FSTL4: variants seen among roughly 807,000 people sequenced by gnomAD.
FSTL4 encodes follistatin-related protein 4.
A neutral mutation model predicts 78.2 loss-of-function variants in FSTL4; 28 were observed. That is an observed-to-expected ratio of 0.36 (90% CI 0.27 to 0.49). The LOEUF is 0.49. FSTL4 is among the 20% of genes least tolerant of loss of function. FSTL4 has a pLI of 0.98. For missense variants in FSTL4, 922 were observed against 1,084.9 expected (o/e 0.85, Z 2.11); for synonymous variants, 422 against 440.5 (o/e 0.96, Z 0.53).
chr5:133,696,248 G>A, the FSTL4 span, among the ~76,000 whole-genome samples: 1 of 152,192 alleles, frequency 6.6e-6, no homozygotes, highest in African/African-American at 2.4e-5. Flanking sequence ...CTGGTTTTCA[G>A]GGCATGCAGG....
At chr5:133,688,997 C>T in the FSTL4 span, among the ~76,000 whole-genome samples, 13 of 152,338 alleles carry the variant, frequency 8.5e-5, no homozygotes, top group East Asian at 2.5e-3. Context: ...GGAGTCCTTG[C>T]TGCAGGCAGA....
the FSTL4 span, among the ~76,000 whole-genome samples, chr5:133,784,353 A>G: frequency 3.5e-3 from 540 of 152,306 alleles, 5 homozygotes; most frequent in African/African-American, 0.013. Context: ...AGGAAAAACA[A>G]GTGCTTGCCC....
At chr5:133,599,344 G>T (rs745519478) in intron 2 of FSTL4, among the ~76,000 whole-genome samples, 3 of 152,082 alleles carry the variant, frequency 2.0e-5, no homozygotes, top group Non-Finnish European at 4.4e-5. Context: ...GGTCAGTCAG[G>T]GTAGGATCAA....
At chr5:133,289,108 G>C (rs1477384235) in intron 6 of FSTL4, among the ~76,000 whole-genome samples, 1 of 152,186 alleles carries the variant, frequency 6.6e-6, no homozygotes, top group Non-Finnish European at 1.5e-5. Context: ...CTGCCCTTGG[G>C]AACTGGGATA....
chr5:133,700,416 A>G, the FSTL4 span, among the ~76,000 whole-genome samples: 2 of 148,930 alleles, frequency 1.3e-5, no homozygotes, highest in Admixed American at 6.7e-5. Context: ...CCAAAGCACC[A>G]CACCAAACCA....
chr5:133,477,381 G>A (rs1474099457), intron 3 of FSTL4, among the ~76,000 whole-genome samples: 1 of 152,114 alleles, frequency 6.6e-6, no homozygotes, highest in African/African-American at 2.4e-5. Flanking sequence ...TTCTTTTTAG[G>A]TCTTTTCAAT....
chr5:133,396,841 G>A (rs1756062511), intron 4 of FSTL4, among the ~76,000 whole-genome samples: 1 of 152,160 alleles, frequency 6.6e-6, no homozygotes, highest in Admixed American at 6.5e-5. Flanking sequence ...AGATTTCTTA[G>A]TGAGCCTGTA....
chr5:133,199,699 C>A lies in FSTL4; in HGVS notation c.1925G>T (p.Cys642Phe), dbSNP rs1750260267. The A allele has an allele frequency of 6.2e-7, 1 of 1,613,352 alleles. No individual in the cohort carries two copies. Residue 642 changes from cysteine to phenylalanine, a missense_variant, in exon 16 of 16, where the codon TGC (cysteine) becomes TTC (phenylalanine). By Grantham distance (205) the Cys-to-Phe change is radical. Coordinates refer to ENST00000265342, the MANE Select transcript of FSTL4 (RefSeq NM_015082.2). The surrounding 1 kb of genome is among the most constrained non-coding windows in gnomAD (Gnocchi z 4.4). ...GGTGTGTGCCATGGCCTGGGGCACG[C>A]AGCCATGGTGGTGCAGGCCGATGGT... ...LKTIGLHHHG[C>F]VPQAMAHTHL...
intron 3 of FSTL4, among the ~76,000 whole-genome samples, chr5:133,504,588 A>C (rs1360023508): frequency 6.6e-6 from 1 of 152,038 alleles, no homozygotes; most frequent in Non-Finnish European, 1.5e-5. Context: ...CTTCACTGGG[A>C]CTCTGAGCGA....
At chr5:133,379,953 TA>T (rs2126951950) in intron 4 of FSTL4, among the ~76,000 whole-genome samples, 1 of 152,158 alleles carries the variant, frequency 6.6e-6, no homozygotes, top group East Asian at 1.9e-4. Context: ...CTTGCGCCTG[TA>T]GTCTCAGCTA....
chr5:133,744,854 C>T, the FSTL4 span, among the ~76,000 whole-genome samples: 9 of 152,190 alleles, frequency 5.9e-5, no homozygotes, highest in African/African-American at 2.2e-4. Context: ...AGAGCCAACA[C>T]TCAGCAAGTG....
intron 3 of FSTL4, among the ~76,000 whole-genome samples, chr5:133,536,171 T>C (rs892781409): frequency 2.6e-5 from 4 of 152,188 alleles, no homozygotes; most frequent in Non-Finnish European, 5.9e-5. Flanking sequence ...GTAGTATCTG[T>C]TTATTGTGGG....
intron 3 of FSTL4, among the ~76,000 whole-genome samples, chr5:133,520,309 C>T (rs1301362869): frequency 7.9e-5 from 12 of 152,086 alleles, no homozygotes; most frequent in Non-Finnish European, 1.8e-4. Flanking sequence ...TTCCATGCTG[C>T]AGGCCTCTTC....
chr5:133,228,146 G>A (rs533900341), intron 8 of FSTL4, among the ~76,000 whole-genome samples: 1 of 152,304 alleles, frequency 6.6e-6, no homozygotes, highest in East Asian at 1.9e-4. Context: ...AGGATCCCTT[G>A]AGCCCGGAAG....
At chr5:133,458,532 G>A (rs1309082208) in intron 3 of FSTL4, among the ~76,000 whole-genome samples, 4 of 152,234 alleles carry the variant, frequency 2.6e-5, no homozygotes, top group Non-Finnish European at 5.9e-5. Flanking sequence ...ATTTCATGAG[G>A]AGAGAATAGG....
the FSTL4 span, among the ~76,000 whole-genome samples, chr5:133,654,989 C>T: frequency 2.0e-5 from 3 of 152,210 alleles, no homozygotes; most frequent in Non-Finnish European, 2.9e-5. Flanking sequence ...CAGTCCCCAT[C>T]TTACTCCTAA....
the FSTL4 span, among the ~76,000 whole-genome samples, chr5:133,757,710 G>A: frequency 6.6e-6 from 1 of 152,170 alleles, no homozygotes; most frequent in African/African-American, 2.4e-5. Flanking sequence ...GGAATGCGAG[G>A]CAGTGAAGAC....
chr5:133,646,687 T>C, the FSTL4 span, among the ~76,000 whole-genome samples: 2 of 151,958 alleles, frequency 1.3e-5, no homozygotes, highest in East Asian at 1.9e-4. Flanking sequence ...TGTCAGGAAT[T>C]GATGGATATG....
intron 5 of FSTL4, 61 bp from the exon 6 acceptor site, chr5:133,312,838 T>A: frequency 6.4e-7 from 1 of 1,568,596 alleles, no homozygotes; most frequent in Non-Finnish European, 8.7e-7. Context: ...TAGGCATTGA[T>A]GAAAATGACT....
Sources: allele counts gnomAD v4.1 joint callset (sites outside exome capture counted in the v4.1 genomes callset), GRCh38; gene constraint gnomAD v4.1.1; non-coding constraint Gnocchi (gnomAD v3.1); transcripts MANE v1.5; gene names NCBI Gene and HGNC (gene_info 2026-07-23, HGNC 2026-07-21).